The following NBPF26 variants were observed in gnomAD, a reference collection of about 807,000 sequenced individuals.
The protein encoded by NBPF26 is NBPF family member NBPF26.
NBPF26 carries 79 observed loss-of-function variants against 119.6 expected under a neutral mutation model. The ratio of observed to expected loss-of-function variants is 0.66; its 90% CI spans 0.55 to 0.80. NBPF26 has a LOEUF of 0.80. NBPF26 is among the 30% of genes least tolerant of loss of function. NBPF26 has a pLI of 0.00. For synonymous variants in NBPF26, 299 were observed against 457.7 expected (o/e 0.65, Z 4.43); for missense variants, 800 against 1,198.2 (o/e 0.67, Z 4.91).
rs1553273563 is a variant in NBPF26, at chr1:120,840,549, A to G, written c.4303A>G (p.Ser1435Gly). 2.0e-5 allele frequency: 29 copies of G among 1,467,270 alleles called. 7 individuals carry two copies. The highest frequency in any genetic ancestry group is 2.4e-4 in the Middle Eastern group (1 of 4,200). The allele number at this position is 1,467,270 out of a possible 1,614,324, so 90.9% of individuals were successfully genotyped here. The stretch of plus-strand genomic sequence containing the variant: ...TAGGTTTTTTACTTTGACGGTGACA[A>G]GTCTCCACCTGGTGTTCCAGATGGG... The change falls in exon 30 of 30, where the codon AGT (serine) becomes GGT (glycine). Residue 1435 changes from serine to glycine, a missense_variant. By Grantham distance (56) the Ser-to-Gly change is moderately conservative. Coordinates refer to ENST00000620612, the Ensembl canonical transcript of NBPF26.
At position 120,817,905 on chromosome 1, in the gene NBPF26, G is replaced by A. The variant is rs1465898439; in HGVS notation, c.2372-218G>A. Among the ~76,000 whole-genome samples, 2 of 114,936 alleles carry A rather than the reference G, an allele frequency of 1.7e-5. 1 individual carries two copies. Among genetic ancestry groups the A allele is most frequent in the Non-Finnish European group, 3.3e-5 (2 of 60,644 alleles). 75.4% of individuals were successfully genotyped at this position (114,936 alleles called of 152,430 possible). A position where few individuals can be genotyped will look rare whatever the true frequency, so the allele number is the denominator to read the frequency against. The stretch of plus-strand genomic sequence containing the variant: ...ACTCAAGCAGGGAATATGGCATTAT[G>A]GTCTACACATAGAGGGAGATTTTGG... On this transcript the variant is annotated intron_variant, in intron 14 of 29. Transcript: ENST00000620612.
chr1:120,734,440 C>T (rs1253824035), intron 1 of NBPF26, among the ~76,000 whole-genome samples: 4 of 81,828 alleles, frequency 4.9e-5, no homozygotes, highest in Non-Finnish European at 6.8e-5. Flanking sequence ...GTTCAGAAAA[C>T]GCCAGTTAGA....
intron 1 of NBPF26, among the ~76,000 whole-genome samples, chr1:120,745,083 G>A (rs1238500049): frequency 1.8e-5 from 1 of 54,634 alleles, no homozygotes; most frequent in Non-Finnish European, 3.1e-5. Context: ...TTATGCCACT[G>A]CACATCTGTC....
chr1:120,745,835 A>AC (rs1178492229), intron 1 of NBPF26, among the ~76,000 whole-genome samples: 1 of 90,910 alleles, frequency 1.1e-5, no homozygotes, highest in African/African-American at 7.3e-5. Context: ...AAAAAAAAAA[A>AC]CAAGGTAAAG....
chr1:120,810,753 A>G (rs1651841587), intron 9 of NBPF26, among the ~76,000 whole-genome samples, 195 bp downstream of exon 9: 1 of 112,288 alleles, frequency 8.9e-6, no homozygotes, highest in Non-Finnish European at 1.7e-5. Flanking sequence ...CAGGAGTTGA[A>G]GACCAGCCTA....
At chr1:120,804,555 T>C in intron 4 of NBPF26, among the ~76,000 whole-genome samples, 1 of 109,792 alleles carries the variant, frequency 9.1e-6, no homozygotes, top group East Asian at 2.1e-4. Flanking sequence ...CCAAGATAGA[T>C]GGTCACACAT....
chr1:120,811,409 T>A (rs1468248714), intron 9 of NBPF26, among the ~76,000 whole-genome samples: 2 of 106,954 alleles, frequency 1.9e-5, no homozygotes, highest in Non-Finnish European at 3.5e-5. Flanking sequence ...AGCTGGCATG[T>A]TACTTGGCGC....
Position 120,793,086 on chromosome 1 carries a change from T to C in NBPF26, c.416-75T>C. 11 of 675,218 alleles carry C rather than the reference T, an allele frequency of 1.6e-5. 1 individual carries two copies. The highest frequency in any genetic ancestry group is 2.7e-5 in the Non-Finnish European group (11 of 408,896). The allele number at this position is 675,218 out of a possible 1,614,324, so 41.8% of individuals were successfully genotyped here. A position where few individuals can be genotyped will look rare whatever the true frequency, so the allele number is the denominator to read the frequency against. On this transcript the variant is annotated intron_variant, in intron 3 of 29. Transcript: ENST00000620612. ...TCTTCTCCACGCAAGAGCTCGCTGATGTCAATGAGGTATTGAGGATGGGGC... is the reference window on the plus strand; with the variant it reads ...TCTTCTCCACGCAAGAGCTCGCTGACGTCAATGAGGTATTGAGGATGGGGC...
chr1:120,805,891 G>T lies in NBPF26; in HGVS notation c.961+126G>T. The T allele has an allele frequency of 2.8e-6, 2 of 727,016 alleles. 1 individual carries two copies. The highest frequency in any genetic ancestry group is 3.5e-5 in the South Asian group (2 of 57,320). 45.0% of individuals were successfully genotyped at this position (727,016 alleles called of 1,614,324 possible). ...CTGTACTTCTAGGAAAACAGAAATGGGTATTTTAACATTTTGTTAAAGTTG... is the reference window on the plus strand; with the variant it reads ...CTGTACTTCTAGGAAAACAGAAATGTGTATTTTAACATTTTGTTAAAGTTG... On this transcript the variant is annotated intron_variant, in intron 5 of 29. Transcript: ENST00000620612.
chr1:120,809,876 G>A (rs1191044937), exon 8 of NBPF26: 14 of 1,469,386 alleles, frequency 9.5e-6, no homozygotes, highest in Non-Finnish European at 1.2e-5. Context: ...GGAATCATCT[G>A]CCCCCAGGTA....
chr1:120,819,305 GC>G (rs1199858376), intron 15 of NBPF26, among the ~76,000 whole-genome samples: 3 of 115,772 alleles, frequency 2.6e-5, no homozygotes, highest in African/African-American at 5.0e-5. Flanking sequence ...TGCAACCCCT[GC>G]CTTTTTTTTG....
rs1216297624 is a variant in NBPF26 at position 120,724,659 on chromosome 1, G to A, written c.73+409G>A. ...GAGCGAAGGAATGCCAGATTCTGGC[G>A]TGGAGAGCGGGGGCAGGGCCGCCAA... is the stretch of plus-strand genomic sequence containing the variant. On this transcript the variant is annotated intron_variant, in intron 1 of 29. Coordinates refer to ENST00000620612, the Ensembl canonical transcript of NBPF26. Among the ~76,000 whole-genome samples the A allele has an allele frequency of 1.5e-4, 19 of 123,846 alleles. 6 individuals are homozygous for A. Among genetic ancestry groups the A allele is most frequent in the African/African-American group, 6.0e-4 (15 of 25,062 alleles). The allele number at this position is 123,846 out of a possible 152,430, so 81.2% of individuals were successfully genotyped here. A position where few individuals can be genotyped will look rare whatever the true frequency, so the allele number is the denominator to read the frequency against.
chr1:120,820,446 A>AT (rs1652104849), intron 15 of NBPF26, among the ~76,000 whole-genome samples: 2 of 22,150 alleles, frequency 9.0e-5, no homozygotes, highest in African/African-American at 3.5e-4. Flanking sequence ...AAAGTATTAA[A>AT]AATATATATA....
intron 1 of NBPF26, among the ~76,000 whole-genome samples, chr1:120,760,196 T>C: frequency 1.7e-5 from 1 of 58,952 alleles, no homozygotes; most frequent in Non-Finnish European, 2.8e-5. Context: ...TTTTTTTTTT[T>C]TTTTTTTTTG....
chr1:120,728,610 T>C (rs1448966398), intron 1 of NBPF26, among the ~76,000 whole-genome samples: 1 of 117,772 alleles, frequency 8.5e-6, no homozygotes, highest in Non-Finnish European at 1.6e-5. Context: ...CAGCAATTTC[T>C]GTTATTTTGT....
chr1:120,808,351 C>A (rs1268276832), intron 6 of NBPF26, among the ~76,000 whole-genome samples, 194 bp from the exon 7 acceptor site: 31 of 119,454 alleles, frequency 2.6e-4, no homozygotes, highest in African/African-American at 1.4e-3. Flanking sequence ...CTTGCAGGAG[C>A]CCTCTCTGAT....
chr1:120,764,140 G>A lies in NBPF26; in HGVS notation c.155+431G>A, dbSNP rs1399914506. On this transcript the variant is annotated intron_variant, in intron 2 of 29. Transcript: ENST00000620612. Reference sequence around the variant, plus strand: ...CGCATGACTGGAGTCCCAGCTACTCGGGAGGCTGAGGCAGGAGAGTGACTT... The same window carrying A: ...CGCATGACTGGAGTCCCAGCTACTCAGGAGGCTGAGGCAGGAGAGTGACTT... 6.2e-5 allele frequency among the ~76,000 whole-genome samples: 7 copies of A among 112,360 alleles called. 1 individual carries two copies. The highest frequency in any genetic ancestry group is 5.2e-4 in the South Asian group (2 of 3,826). 73.7% of individuals were successfully genotyped at this position (112,360 alleles called of 152,430 possible). A position where few individuals can be genotyped will look rare whatever the true frequency, so the allele number is the denominator to read the frequency against.
In NBPF26 at chr1:120,818,849, T is replaced by C. The variant is rs1404293877; in HGVS notation, c.2423+675T>C. On this transcript the variant is annotated intron_variant, in intron 15 of 29. Transcript: ENST00000620612. ...TTGATGGCACTGTGGTCTGACAGTTTGTTGTGATTTCCATTCTTTTACATT... is the reference window on the plus strand; with the variant it reads ...TTGATGGCACTGTGGTCTGACAGTTCGTTGTGATTTCCATTCTTTTACATT... 1.3e-3 allele frequency among the ~76,000 whole-genome samples: 135 copies of C among 106,260 alleles called. 3 individuals carry two copies. Among genetic ancestry groups the C allele is most frequent in the African/African-American group, 3.9e-3 (79 of 20,082 alleles). The allele number at this position is 106,260 out of a possible 152,430, so 69.7% of individuals were successfully genotyped here.
chr1:120,808,041 C>A lies in NBPF26; in HGVS notation c.1064+332C>A, dbSNP rs1331017503. On this transcript the variant is annotated intron_variant, in intron 6 of 29. Transcript: ENST00000620612. Reference sequence around the variant, plus strand: ...GTGTGCCATCACCACCCCACTTACCCTTAGTGAGAATCACCTCCTGACTGA... The same window carrying A: ...GTGTGCCATCACCACCCCACTTACCATTAGTGAGAATCACCTCCTGACTGA... 1.7e-5 allele frequency among the ~76,000 whole-genome samples: 2 copies of A among 120,998 alleles called. 1 individual carries two copies. The highest frequency in any genetic ancestry group is 3.3e-5 in the Non-Finnish European group (2 of 59,952). 79.4% of individuals were successfully genotyped at this position (120,998 alleles called of 152,430 possible).
Sources: allele counts gnomAD v4.1 joint callset (sites outside exome capture counted in the v4.1 genomes callset), GRCh38; gene constraint gnomAD v4.1.1; transcripts MANE v1.5; gene names NCBI Gene and HGNC (gene_info 2026-07-23, HGNC 2026-07-21).